GABBR2: variants seen among roughly 807,000 people sequenced by gnomAD.
GABBR2 encodes the protein G-protein coupled receptor 51.
In GABBR2, 23 loss-of-function variants were observed where a neutral mutation model predicts 105.6. That is an observed-to-expected ratio of 0.22 (90% CI 0.16 to 0.31). GABBR2 has a LOEUF of 0.31. Ranked by LOEUF, GABBR2 falls within the 10% of genes least tolerant of loss-of-function variation. The pLI, the probability that GABBR2 is intolerant of heterozygous loss-of-function variation, is 1.00. For synonymous variants in GABBR2, 478 were observed against 499.7 expected (o/e 0.96, Z 0.58); for missense variants, 734 against 1,245.5 (o/e 0.59, Z 6.18).
At chr9:98,488,613 C>G (rs1355969907) in intron 4 of GABBR2, among the ~76,000 whole-genome samples, 1 of 150,548 alleles carries the variant, frequency 6.6e-6, no homozygotes, top group Non-Finnish European at 1.5e-5. Context: ...TTATCTCTGT[C>G]TTTCTGTCAT....
chr9:98,303,443 G>A lies in GABBR2; in HGVS notation c.2230-20C>T, dbSNP rs1448477057. 1 of 1,611,064 alleles carries A rather than the reference G, an allele frequency of 6.2e-7. No individual in the cohort carries two copies. The highest frequency in any genetic ancestry group is 8.5e-7 in the Non-Finnish European group (1 of 1,178,088). ...GATGAGCTGAAAGGACAAAGGTTGG[G>A]GCGGGGTTGAAGAGAGAGCCTTGAG... On this transcript the variant is annotated intron_variant, in intron 15 of 18. Transcript: ENST00000259455.
chr9:98,370,206 C>G (rs1393539593), intron 12 of GABBR2, among the ~76,000 whole-genome samples: 1 of 152,022 alleles, frequency 6.6e-6, no homozygotes, highest in Non-Finnish European at 1.5e-5. Context: ...GTGGCCCTGT[C>G]CAGGACTAGC....
chr9:98,633,749 A>C (rs1829844290), intron 1 of GABBR2, among the ~76,000 whole-genome samples: 1 of 151,890 alleles, frequency 6.6e-6, no homozygotes, highest in Non-Finnish European at 1.5e-5. Context: ...GCGGGGAGGG[A>C]CGTGGAAGAG....
intron 3 of GABBR2, chr9:98,515,952 G>A (rs1827750004): frequency 6.6e-6 from 1 of 152,620 alleles, no homozygotes; most frequent in African/African-American, 2.4e-5. Flanking sequence ...GGAGAGTAGA[G>A]GAAGAAGAGA....
At chr9:98,683,876 C>G (rs997079253) in intron 1 of GABBR2, among the ~76,000 whole-genome samples, 2 of 151,286 alleles carry the variant, frequency 1.3e-5, no homozygotes, top group Non-Finnish European at 2.9e-5. Context: ...GGCGTGGTGG[C>G]GGGCGCCTGT....
intron 17 of GABBR2, among the ~76,000 whole-genome samples, chr9:98,295,539 T>A (rs1830366573): frequency 6.6e-6 from 1 of 151,764 alleles, no homozygotes; most frequent in African/African-American, 2.4e-5. Context: ...AGATGTCTTT[T>A]TTTTTGAGAC....
At chr9:98,653,926 A>G (rs6478797) in intron 1 of GABBR2, among the ~76,000 whole-genome samples, 141,382 of 152,248 alleles carry the variant, frequency 0.93, 65,768 homozygotes, top group Middle Eastern at 0.97. Flanking sequence ...CAACCACACC[A>G]TGAGTGGGTA....
intron 2 of GABBR2, among the ~76,000 whole-genome samples, chr9:98,550,853 A>G (rs1375070868): frequency 2.6e-5 from 4 of 152,134 alleles, no homozygotes; most frequent in African/African-American, 9.7e-5. Context: ...GTTCATAGAT[A>G]CTGGATTTGT....
At chr9:98,421,416 G>C (rs751018412) in intron 7 of GABBR2, among the ~76,000 whole-genome samples, 4 of 152,152 alleles carry the variant, frequency 2.6e-5, no homozygotes, top group Non-Finnish European at 5.9e-5. Flanking sequence ...TATTCCATTA[G>C]TAAGGAACTG....
chr9:98,553,273 T>A (rs577551468), intron 2 of GABBR2, among the ~76,000 whole-genome samples: 98 of 152,136 alleles, frequency 6.4e-4, no homozygotes, highest in African/African-American at 2.2e-3. Context: ...GGAGGTATAG[T>A]GACTTGCCTG....
At chr9:98,628,061 G>GA (rs1829769550) in intron 1 of GABBR2, among the ~76,000 whole-genome samples, 2 of 152,174 alleles carry the variant, frequency 1.3e-5, no homozygotes, top group African/African-American at 4.8e-5. Flanking sequence ...GAAAATTTTA[G>GA]AAAAATGTAG....
intron 3 of GABBR2, among the ~76,000 whole-genome samples, chr9:98,539,478 CT>C: frequency 6.6e-6 from 1 of 152,188 alleles, no homozygotes; most frequent in East Asian, 1.9e-4. Flanking sequence ...TGTGAACAAT[CT>C]TTCATGACTT....
At chr9:98,455,355 C>T (rs1652505005) in intron 6 of GABBR2, among the ~76,000 whole-genome samples, 1 of 152,210 alleles carries the variant, frequency 6.6e-6, no homozygotes, top group African/African-American at 2.4e-5. Flanking sequence ...CTTCTGAACT[C>T]CTCTGCCAGA....
chr9:98,605,939 T>G (rs1406857078), intron 1 of GABBR2, among the ~76,000 whole-genome samples: 1 of 147,802 alleles, frequency 6.8e-6, no homozygotes, highest in Non-Finnish European at 1.5e-5. Context: ...TCCACCCCAC[T>G]ACAGGCCCCG....
chr9:98,542,362 A>T (rs1828322163), intron 2 of GABBR2, among the ~76,000 whole-genome samples: 1 of 152,216 alleles, frequency 6.6e-6, no homozygotes, highest in Admixed American at 6.5e-5. Flanking sequence ...AGATCCTGAA[A>T]TCATTCTACA....
At chr9:98,658,690 C>T (rs958041151) in intron 1 of GABBR2, among the ~76,000 whole-genome samples, 4 of 152,260 alleles carry the variant, frequency 2.6e-5, no homozygotes, top group African/African-American at 7.2e-5. Flanking sequence ...GCAGTGTGTG[C>T]AGAGCACTTT....
At chr9:98,436,395 A>ACACACACAC (rs1825925425) in intron 7 of GABBR2, among the ~76,000 whole-genome samples, 2 of 47,320 alleles carry the variant, frequency 4.2e-5, no homozygotes, top group Admixed American at 5.9e-4. Context: ...ATATATATAT[A>ACACACACAC]TATATATATA....
intron 1 of GABBR2, among the ~76,000 whole-genome samples, chr9:98,628,876 G>A (rs1288403808): frequency 3.3e-5 from 5 of 152,162 alleles, no homozygotes; most frequent in African/African-American, 4.8e-5. Context: ...ACATGCACGC[G>A]CGTGCACCTA....
chr9:98,674,150 G>T (rs1048539426), intron 1 of GABBR2, among the ~76,000 whole-genome samples: 1 of 152,166 alleles, frequency 6.6e-6, no homozygotes, highest in Non-Finnish European at 1.5e-5. Flanking sequence ...CCACTCCACT[G>T]CCCAGGATGG....
Sources: allele counts gnomAD v4.1 joint callset (sites outside exome capture counted in the v4.1 genomes callset), GRCh38; gene constraint gnomAD v4.1.1; transcripts MANE v1.5; gene names NCBI Gene and HGNC (gene_info 2026-07-23, HGNC 2026-07-21).